The following NR2E3 variants were observed in gnomAD, a reference collection of about 807,000 sequenced individuals.
NR2E3 encodes the protein photoreceptor-specific nuclear receptor.
NR2E3 carries 38 observed loss-of-function variants against 37.6 expected under a neutral mutation model. The ratio of observed to expected loss-of-function variants is 1.01; its 90% CI spans 0.78 to 1.33. The LOEUF (loss-of-function observed/expected upper bound fraction) is 1.33, where lower values mean the gene tolerates loss of function less well. Ranked by LOEUF, NR2E3 falls within the 40% of genes most tolerant of loss-of-function variation. The pLI, the probability that NR2E3 is intolerant of heterozygous loss-of-function variation, is 0.00. For missense variants in NR2E3, 562 were observed against 558.7 expected (o/e 1.01, Z -0.06); for synonymous variants, 235 against 225.1 (o/e 1.04, Z -0.39).
chr15:71,815,488 C>T (rs1476887574), intron 7 of NR2E3, among the ~76,000 whole-genome samples: 1 of 152,176 alleles, frequency 6.6e-6, no homozygotes, highest in African/African-American at 2.4e-5. Flanking sequence ...AAACCAGCAG[C>T]CTTTCTCTGC....
intron 7 of NR2E3, among the ~76,000 whole-genome samples, chr15:71,815,107 G>T (rs1187203233): frequency 6.6e-6 from 1 of 152,212 alleles, no homozygotes; most frequent in Non-Finnish European, 1.5e-5. Flanking sequence ...GCGCGAGGGT[G>T]GGGCAGGAGC....
Position 71,814,598 on chromosome 15 carries a change from A to T in NR2E3, c.1100+481A>T. On this transcript the variant is annotated intron_variant, in intron 7 of 7. Coordinates refer to ENST00000617575, the MANE Select transcript of NR2E3 (RefSeq NM_014249.4). ...GTTCCTGCCAGTGAGAAATGGGGAG[A>T]ATAAGCCAGAAAAGTACCCTAGGAC... The T allele has an allele frequency of 3.2e-6, 3 of 942,002 alleles. No homozygotes were observed. The South Asian group carries it at 1.5e-4, about 46-fold the overall frequency. The allele number at this position is 942,002 out of a possible 1,614,324, so 58.4% of individuals were successfully genotyped here.
At chr15:71,817,519 C>G (rs768787982) in intron 7 of NR2E3, 33 bp from the exon 8 acceptor site, 4 of 1,566,232 alleles carry the variant, frequency 2.6e-6, no homozygotes, top group Admixed American at 1.7e-5. Context: ...AGAAGCTGGT[C>G]GTAAAACTGA....
intron 7 of NR2E3, 103 bp from the exon 8 acceptor site, chr15:71,817,449 C>G: frequency 1.4e-6 from 2 of 1,429,298 alleles, no homozygotes; most frequent in Non-Finnish European, 1.9e-6. Context: ...GGGACCTCAT[C>G]TCTCCTCTCC....
intron 5 of NR2E3, 71 bp downstream of exon 5, chr15:71,812,582 C>A: frequency 7.4e-7 from 1 of 1,351,502 alleles, no homozygotes; most frequent in Non-Finnish European, 1.0e-6. Context: ...GTCAACCAGA[C>A]AGGGCACACA....
Position 71,813,889 on chromosome 15 carries a change from C to A in NR2E3, c.995-123C>A. On this transcript the variant is annotated intron_variant, in intron 6 of 7. Coordinates refer to ENST00000617575, the MANE Select transcript of NR2E3 (RefSeq NM_014249.4). The surrounding 1 kb of genome is among the most constrained non-coding windows in gnomAD (Gnocchi z 4.7). ...CCCCTGGTGGCTCCTCTGGGCCTGG[C>A]AGAGCCCACCCCACAGGGCCCCAGG... The A allele has an allele frequency of 2.0e-6, 3 of 1,529,040 alleles. No homozygotes were observed. The highest frequency in any genetic ancestry group is 8.8e-7 in the Non-Finnish European group (1 of 1,142,328). The allele number at this position is 1,529,040 out of a possible 1,614,324, so 94.7% of individuals were successfully genotyped here.
Position 71,811,747 on chromosome 15 carries a change from G to T in NR2E3, c.246-19G>T, listed in dbSNP as rs779134631. The T allele has an allele frequency of 2.6e-6, 4 of 1,549,670 alleles. No homozygotes were observed. The highest frequency in any genetic ancestry group is 2.6e-6 in the Non-Finnish European group (3 of 1,145,614). On this transcript the variant is annotated intron_variant, in intron 2 of 7. Transcript: ENST00000617575. The surrounding 1 kb of genome is among the most constrained non-coding windows in gnomAD (Gnocchi z 5.6). Reference sequence around the variant, plus strand: ...CATGGGAGGGACACTGACCCCTGGGGTCTCCTCTTCACCTGCAGGTGCCAG... The same window carrying T: ...CATGGGAGGGACACTGACCCCTGGGTTCTCCTCTTCACCTGCAGGTGCCAG...
Position 71,817,093 on chromosome 15 carries a change from TC to T in NR2E3, c.1101-458del, listed in dbSNP as rs372160242. ...CAACTCCTCTGGTTAATGCGGCTTT[TC>T]TTTTTTCTTTTTTTTTTTTTTTGAG... is the stretch of plus-strand genomic sequence containing the variant. On this transcript the variant is annotated intron_variant, in intron 7 of 7. Transcript: ENST00000617575. Among the ~76,000 whole-genome samples the T allele has an allele frequency of 9.0e-5, 13 of 143,790 alleles. No homozygotes were observed. In the East Asian group the frequency reaches 1.1e-3, roughly 12 times the overall value. The allele number at this position is 143,790 out of a possible 152,430, so 94.3% of individuals were successfully genotyped here.
intron 4 of NR2E3, 48 bp from the exon 5 acceptor site, chr15:71,812,288 C>T (rs749145631): frequency 6.2e-7 from 1 of 1,612,936 alleles, no homozygotes; most frequent in Non-Finnish European, 8.5e-7. Flanking sequence ...TACTCCCTGC[C>T]ACCTCCCGAG....
At position 71,814,124 on chromosome 15, in the gene NR2E3, T is replaced by C; in HGVS notation, c.1100+7T>C. 6.2e-7 allele frequency: 1 copy of C among 1,608,072 alleles called. No homozygotes were observed. The highest frequency in any genetic ancestry group is 8.5e-7 in the Non-Finnish European group (1 of 1,179,366). On this transcript the variant is annotated splice_region_variant and intron_variant, in intron 7 of 7. Coordinates refer to ENST00000617575, the MANE Select transcript of NR2E3 (RefSeq NM_014249.4). ...ACCCCAGCCAGCCCGTGAGGTGACC[T>C]GAGCATGCGCCCACCCACTCATCTG...
chr15:71,811,616 G>T lies in NR2E3; in HGVS notation c.245+7G>T. 6.2e-7 allele frequency: 1 copy of T among 1,603,074 alleles called. No individual in the cohort carries two copies. On this transcript the variant is annotated splice_region_variant and intron_variant, in intron 2 of 7. Transcript: ENST00000617575. The surrounding 1 kb of genome is among the most constrained non-coding windows in gnomAD (Gnocchi z 5.6). ...GGCGGAGGCTCATCTACAGGTGAGTGCGGTGGGCCCTGCTGGGCGTCTGCC... is the reference window on the plus strand; with the variant it reads ...GGCGGAGGCTCATCTACAGGTGAGTTCGGTGGGCCCTGCTGGGCGTCTGCC...
In NR2E3 at chr15:71,817,579, G is replaced by A. The variant is rs755989819; in HGVS notation, c.1128G>A (p.Pro376=). The change falls in exon 8 of 8, where the codon CCG becomes CCA. Residue 376 remains proline, a synonymous_variant. Coordinates refer to ENST00000617575, the MANE Select transcript of NR2E3 (RefSeq NM_014249.4). ...VRFGKLLLLL[P]SLRFITAERI... The stretch of plus-strand genomic sequence containing the variant: ...TTGGGAAATTGCTCCTGCTCCTCCC[G>A]TCTTTGAGGTTTATCACTGCGGAAC... 71 of 1,600,310 alleles carry A rather than the reference G, an allele frequency of 4.4e-5. No individual in the cohort carries two copies. Among genetic ancestry groups the A allele is most frequent in the Non-Finnish European group, 5.6e-5 (65 of 1,169,072 alleles).
chr15:71,811,496 G>C lies in NR2E3; in HGVS notation c.132G>C (p.Ser44=), dbSNP rs759064828. The C allele has an allele frequency of 4.5e-6, 7 of 1,559,704 alleles. No individual in the cohort carries two copies. The African/African-American group carries it at 8.2e-5, about 18-fold the overall frequency. ...LGEDPTGVSP[S]LQCRVCGDSS... ...CCTGCCCCTCAGGCGTGAGCCCCTC[G>C]CTCCAGTGCCGCGTGTGCGGAGACA... The change falls in exon 2 of 8, where the codon TCG becomes TCC. Residue 44 remains serine (S), a synonymous_variant. Coordinates refer to ENST00000617575, the MANE Select transcript of NR2E3 (RefSeq NM_014249.4). This position sits in a 1 kb window ranked among gnomAD's most constrained non-coding sequence, Gnocchi z 5.6.
At chr15:71,812,657 G>T in intron 5 of NR2E3, 146 bp downstream of exon 5, 1 of 716,748 alleles carries the variant, frequency 1.4e-6, no homozygotes, top group Non-Finnish European at 2.2e-6. Context: ...ACATACCTCT[G>T]ATTCAGCGAT....
chr15:71,810,910 G>C lies in NR2E3; in HGVS notation c.118+49G>C, dbSNP rs762403039. ...GTTGGGTCTGGGCCCTTGGGGAGCA[G>C]GGTAAGGGCCAGAGGTTCGCAGGGA... On this transcript the variant is annotated intron_variant, in intron 1 of 7. Coordinates refer to ENST00000617575, the MANE Select transcript of NR2E3 (RefSeq NM_014249.4). 6.7e-6 allele frequency: 10 copies of C among 1,495,900 alleles called. 1 individual carries two copies. In the South Asian group the frequency reaches 1.2e-4, roughly 18 times the overall value. The allele number at this position is 1,495,900 out of a possible 1,614,324, so 92.7% of individuals were successfully genotyped here.
chr15:71,812,168 C>G lies in NR2E3; in HGVS notation c.563C>G (p.Pro188Arg), dbSNP rs2054189787. Reference sequence around the variant, plus strand: ...GCTGAAACCTGTGCTAAGCTGGAGCCAGAGGATGGTGAGTGGGAGAGCAGC... The same window carrying G: ...GCTGAAACCTGTGCTAAGCTGGAGCGAGAGGATGGTGAGTGGGAGAGCAGC... ...ITAETCAKLE[P>R]EDADENIDVT... is the part of the protein sequence containing the mutation. The change falls in exon 4 of 8, where the codon CCA (proline) becomes CGA (arginine). Residue 188 changes from proline (P) to arginine (R), a missense_variant. Pro to Arg is a moderately radical substitution (Grantham distance 103). Transcript: ENST00000617575. The G allele has an allele frequency of 1.3e-6, 2 of 1,581,402 alleles. No homozygotes were observed. The highest frequency in any genetic ancestry group is 1.4e-5 in the African/African-American group (1 of 74,052).
At position 71,817,597 on chromosome 15, in the gene NR2E3, T is replaced by C; in HGVS notation, c.1146T>C (p.Thr382=). Residue 382 remains threonine (T), a synonymous_variant, in exon 8 of 8, where the codon ACT becomes ACC. Coordinates refer to ENST00000617575, the MANE Select transcript of NR2E3 (RefSeq NM_014249.4). ...TCCTCCCGTCTTTGAGGTTTATCACTGCGGAACGCATCGAGCTCCTCTTTT... is the reference window on the plus strand; with the variant it reads ...TCCTCCCGTCTTTGAGGTTTATCACCGCGGAACGCATCGAGCTCCTCTTTT... ...LLLLPSLRFI[T]AERIELLFFR... is the part of the protein sequence containing the mutation. 6.2e-7 allele frequency: 1 copy of C among 1,609,834 alleles called. No homozygotes were observed. The highest frequency in any genetic ancestry group is 8.5e-7 in the Non-Finnish European group (1 of 1,176,396).
Position 71,812,156 on chromosome 15 carries a change from C to G in NR2E3, c.551C>G (p.Ala184Gly). 1 of 1,572,682 alleles carries G rather than the reference C, an allele frequency of 6.4e-7. No homozygotes were observed. ...MASLITAETC[A>G]KLEPEDADEN... The stretch of plus-strand genomic sequence containing the variant: ...AGCCTTATAACAGCTGAAACCTGTG[C>G]TAAGCTGGAGCCAGAGGATGGTGAG... The change falls in exon 4 of 8, where the codon GCT becomes GGT. Residue 184 changes from alanine (A) to glycine (G), a missense_variant. Physicochemically the swap from Ala to Gly is moderately conservative, Grantham distance 60. Transcript: ENST00000617575.
chr15:71,811,998 C>A lies in NR2E3; in HGVS notation c.393C>A (p.His131Gln). Residue 131 changes from histidine to glutamine, a missense_variant, in exon 4 of 8, where the codon CAC (histidine) becomes CAA (glutamine). By Grantham distance (24) the His-to-Gln change is conservative. Transcript: ENST00000617575. The surrounding 1 kb of genome is among the most constrained non-coding windows in gnomAD (Gnocchi z 5.6). ...AGCCGCGAAGCACAGCCCAGGTCCA[C>A]CTGGACAGCATGGAGTCCAACACTG... ...ERQPRSTAQV[H>Q]LDSMESNTES... is the part of the protein sequence containing the mutation. 1 of 1,554,894 alleles carries A rather than the reference C, an allele frequency of 6.4e-7. No individual in the cohort carries two copies. The highest frequency in any genetic ancestry group is 1.2e-5 in the South Asian group (1 of 84,210).
Sources: allele counts gnomAD v4.1 joint callset (sites outside exome capture counted in the v4.1 genomes callset), GRCh38; gene constraint gnomAD v4.1.1; non-coding constraint Gnocchi (gnomAD v3.1); transcripts MANE v1.5; gene names NCBI Gene and HGNC (gene_info 2026-07-23, HGNC 2026-07-21).